Variants in PLCB2 observed in about 807,000 individuals in gnomAD.
PLCB2 encodes the protein phospholipase C beta 2, also known as 1-phosphatidylinositol 4,5-bisphosphate phosphodiesterase beta-2.
A neutral mutation model predicts 141.7 loss-of-function variants in PLCB2; 115 were observed. That is an observed-to-expected ratio of 0.81 (90% CI 0.70 to 0.95). The LOEUF (loss-of-function observed/expected upper bound fraction) is 0.95. Among genes scored for constraint, PLCB2 ranks in the 40% least tolerant of loss-of-function variants. PLCB2 has a pLI of 0.00. For synonymous variants in PLCB2, 603 were observed against 595.6 expected (o/e 1.01, Z -0.18); for missense variants, 1,403 against 1,541.1 (o/e 0.91, Z 1.50).
chr15:40,298,058 T>C (rs910231814), intron 11 of PLCB2, 99 bp from the exon 12 acceptor site: 7 of 1,166,872 alleles, frequency 6.0e-6, no homozygotes, highest in African/African-American at 1.5e-5. Context: ...TACACACATA[T>C]AACTGCATGG....
downstream of PLCB2, chr15:40,287,802 A>C (rs2039640860): frequency 2.6e-6 from 1 of 389,618 alleles, no homozygotes; most frequent in African/African-American, 2.2e-5. Flanking sequence ...CCCTGGGTTC[A>C]GCTCCCAAGA....
Position 40,294,429 on chromosome 15 carries a change from A to G in PLCB2, c.1907-9T>C, listed in dbSNP as rs1032069093. 5.0e-6 allele frequency: 8 copies of G among 1,613,958 alleles called. No individual in the cohort carries two copies. Among genetic ancestry groups the G allele is most frequent in the Admixed American group, 1.7e-5 (1 of 60,026 alleles). Reference sequence around the variant, plus strand: ...CTGCTGCATGGGCAAGTCTGGAGGGACAAGGACACTCAGTGAGGAAGGCCC... The same window carrying G: ...CTGCTGCATGGGCAAGTCTGGAGGGGCAAGGACACTCAGTGAGGAAGGCCC... On this transcript the variant is annotated splice_polypyrimidine_tract_variant and intron_variant, in intron 18 of 31. Transcript: ENST00000260402.
In PLCB2 at chr15:40,288,827, C is replaced by T. The variant is rs1200541164; in HGVS notation, c.3446G>A (p.Cys1149Tyr). 1.9e-6 allele frequency: 3 copies of T among 1,613,982 alleles called. No individual in the cohort carries two copies. The highest frequency in any genetic ancestry group is 2.5e-6 in the Non-Finnish European group (3 of 1,180,014). Residue 1149 changes from cysteine (C) to tyrosine (Y), a missense_variant, in exon 32 of 32, where the codon TGC becomes TAC. Physicochemically the swap from Cys to Tyr is radical, Grantham distance 194. Coordinates refer to ENST00000260402, the MANE Select transcript of PLCB2 (RefSeq NM_004573.3). Reference protein sequence around the residue: ...KESVRACLRTCFPSEAKDKPE... With the variant: ...KESVRACLRTYFPSEAKDKPE... ...CTTGTCCTTGGCCTCGGAGGGAAAG[C>T]AGGTCCTGAGGCAGGCCCTCACCGA...
In PLCB2 at chr15:40,296,303, G is replaced by A. The variant is rs2040212375; in HGVS notation, c.1689C>T (p.Phe563=). ...TTACTCATGCTAACTTACGGGCAGA[G>A]AACTCAAAGGAGACGAACTTGGTGG... is the stretch of plus-strand genomic sequence containing the variant. ...IQPTKFVSFE[F]SAQKNRSYVI... Residue 563 remains phenylalanine (F), a synonymous_variant, in exon 16 of 32, where the codon TTC becomes TTT. Transcript: ENST00000260402. 1.2e-6 allele frequency: 2 copies of A among 1,612,602 alleles called. No homozygotes were observed. The highest frequency in any genetic ancestry group is 2.2e-5 in the East Asian group (1 of 44,880).
At chr15:40,285,577 G>A, downstream of PLCB2, 1 of 985,396 alleles carries the variant, frequency 1.0e-6, no homozygotes, top group Non-Finnish European at 1.2e-6. Context: ...CCCCTTCTGG[G>A]GTGGCCCCCA....
chr15:40,289,989 G>GTT (rs1555391016), intron 30 of PLCB2, 36 bp downstream of exon 30: 2 of 1,019,128 alleles, frequency 2.0e-6, no homozygotes, highest in South Asian at 2.5e-5. Flanking sequence ...GTGTGTGTGT[G>GTT]TGTGTGTGTT....
intron 11 of PLCB2, 51 bp downstream of exon 11, chr15:40,298,172 A>G: frequency 2.0e-6 from 3 of 1,519,356 alleles, no homozygotes; most frequent in Non-Finnish European, 2.7e-6. Context: ...CTTCTGGCCC[A>G]GAGCCCTTCC....
At chr15:40,298,454 T>C in intron 10 of PLCB2, 74 bp from the exon 11 acceptor site, 3 of 1,585,646 alleles carry the variant, frequency 1.9e-6, no homozygotes, top group Non-Finnish European at 2.6e-6. Context: ...CGCCACTCCA[T>C]CATGGTCTGT....
chr15:40,286,309 C>T (rs1464699920), downstream of PLCB2, among the ~76,000 whole-genome samples: 1 of 152,128 alleles, frequency 6.6e-6, no homozygotes, highest in Non-Finnish European at 1.5e-5. Context: ...CAGAAGGGCT[C>T]CCTCCCCAAG....
At position 40,296,395 on chromosome 15, in the gene PLCB2, A is replaced by G. The variant is rs761349882; in HGVS notation, c.1600-3T>C. On this transcript the variant is annotated splice_polypyrimidine_tract_variant and splice_region_variant and intron_variant, in intron 15 of 31. Coordinates refer to ENST00000260402, the MANE Select transcript of PLCB2 (RefSeq NM_004573.3). ...GTCACTTCCAGGCCCGCTGTGCCCT[A>G]AGGAGAAGAGGGGAGGGCAAAGAAG... The G allele has an allele frequency of 6.2e-7, 1 of 1,613,706 alleles. No homozygotes were observed. The highest frequency in any genetic ancestry group is 1.1e-5 in the South Asian group (1 of 91,006).
At chr15:40,301,227 A>G (rs2040489008) in intron 7 of PLCB2, 1 of 268,192 alleles carries the variant, frequency 3.7e-6, no homozygotes, top group Admixed American at 4.8e-5. Flanking sequence ...ATTTATTTAT[A>G]ACGTTCCAAA....
At position 40,298,605 on chromosome 15, in the gene PLCB2, G is replaced by A. The variant is rs545558335; in HGVS notation, c.954C>T (p.Leu318=). ...LLLHHDMTQP[L]NHYFINSSHN... ...GGGACGAGTTGATGAAGTAATGATT[G>A]AGTGGCTGCGTCATGTCGTGGTGGA... The change falls in exon 10 of 32, where the codon CTC becomes CTT. Residue 318 remains leucine, a synonymous_variant. Transcript: ENST00000260402. The A allele has an allele frequency of 6.2e-7, 1 of 1,614,236 alleles. No homozygotes were observed.
At position 40,288,484 on chromosome 15, in the gene PLCB2, A is replaced by C; in HGVS notation, c.*231T>G. 7.9e-7 allele frequency: 1 copy of C among 1,264,620 alleles called. No individual in the cohort carries two copies. Among genetic ancestry groups the C allele is most frequent in the Non-Finnish European group, 1.0e-6 (1 of 1,004,866 alleles). The allele number at this position is 1,264,620 out of a possible 1,614,324, so 78.3% of individuals were successfully genotyped here. ...CTTATCTAGAGATGGAGGGGGAGGTAGGAAGTCAGCTTGAGAAGACTTCTA... is the reference window on the plus strand; with the variant it reads ...CTTATCTAGAGATGGAGGGGGAGGTCGGAAGTCAGCTTGAGAAGACTTCTA... On this transcript the variant is annotated 3_prime_UTR_variant, in exon 32 of 32. Transcript: ENST00000260402.
chr15:40,287,833 G>T, downstream of PLCB2: 2 of 710,368 alleles, frequency 2.8e-6, no homozygotes, highest in African/African-American at 1.9e-5. Context: ...TCCCCAGCCC[G>T]TTTCATTTCA....
In PLCB2 at chr15:40,302,661, A is replaced by G. The variant is rs2040581287; in HGVS notation, c.232-52T>C. 7 of 1,599,684 alleles carry G rather than the reference A, an allele frequency of 4.4e-6. No individual in the cohort carries two copies. The South Asian group carries it at 7.9e-5, about 18-fold the overall frequency. On this transcript the variant is annotated intron_variant, in intron 3 of 31. Transcript: ENST00000260402. ...ATGGAGGTGTGCTCCCTCCCTGCCC[A>G]GTGTGGCTCTCTCTGGCCCTCCCCT...
At chr15:40,286,711 C>G (rs1186155197), downstream of PLCB2, among the ~76,000 whole-genome samples, 1 of 152,208 alleles carries the variant, frequency 6.6e-6, no homozygotes, top group Non-Finnish European at 1.5e-5. Flanking sequence ...TCCCCTGCAG[C>G]CAGAGACTAA....
At chr15:40,285,324 G>T (rs898645207), downstream of PLCB2, 1 of 162,768 alleles carries the variant, frequency 6.1e-6, no homozygotes, top group African/African-American at 2.4e-5. Flanking sequence ...TCTGACATCA[G>T]CGTTAAGTCC....
intron 1 of PLCB2, among the ~76,000 whole-genome samples, chr15:40,305,601 G>A (rs2040756749): frequency 1.3e-5 from 2 of 152,204 alleles, no homozygotes; most frequent in Non-Finnish European, 2.9e-5. Flanking sequence ...GTGGTAAGAA[G>A]GGGCTGAAGA....
At position 40,298,931 on chromosome 15, in the gene PLCB2, C is replaced by T. The variant is rs764333004; in HGVS notation, c.717G>A (p.Glu239=). 3 of 1,607,972 alleles carry T rather than the reference C, an allele frequency of 1.9e-6. No homozygotes were observed. Among genetic ancestry groups the T allele is most frequent in the Non-Finnish European group, 1.7e-6 (2 of 1,179,820 alleles). Residue 239 remains glutamate (E), a synonymous_variant, in exon 9 of 32, where the codon GAG becomes GAA. Transcript: ENST00000260402. ...HAKAKPYMTK[E]HLTKFINQKQ... ...TCTGGTTGATGAATTTGGTCAGGTG[C>T]TCCTTCGTCATGTAGGGTTTGGCCT...
Sources: gnomAD v4.1 joint callset for allele counts (sites outside exome capture counted in the v4.1 genomes callset) on GRCh38, gnomAD v4.1.1 for gene constraint, MANE v1.5 for transcripts, NCBI Gene and HGNC (gene_info 2026-07-23, HGNC 2026-07-21) for gene names.